The following IYD variants were observed in gnomAD, a reference collection of about 807,000 sequenced individuals.
IYD encodes the protein iodotyrosine deiodinase.
IYD carries 25 observed loss-of-function variants against 28.4 expected under a neutral mutation model. The observed-to-expected ratio is 0.88, with a 90% CI of 0.64 to 1.23. The LOEUF (loss-of-function observed/expected upper bound fraction) is 1.23. Among genes scored for constraint, IYD ranks in the 50% most tolerant of loss-of-function variants. The pLI is 0.00. For missense variants in IYD, 352 were observed against 357.9 expected, an observed-to-expected ratio of 0.98 and a Z score of 0.13; for synonymous variants, 140 against 130.8, an observed-to-expected ratio of 1.07 and a Z score of -0.48.
chr6:150,403,661 T>G lies in IYD; in HGVS notation c.*5424T>G, dbSNP rs1221258675. 2 of 152,226 alleles carry G rather than the reference T, an allele frequency of 1.3e-5. No homozygotes were observed. Among genetic ancestry groups the G allele is most frequent in the Non-Finnish European group, 2.9e-5 (2 of 68,052 alleles). The allele number at this position is 152,226 out of a possible 1,614,324, so 9.4% of individuals were successfully genotyped here. A position where few individuals can be genotyped will look rare whatever the true frequency, so the allele number is the denominator to read the frequency against. ...CCCCAAAGCTAAGATCCTGCCAAGC[T>G]AAATACAGTAGTTCTAATGAAATGT... On this transcript the variant is annotated 3_prime_UTR_variant, in exon 5 of 5. Coordinates refer to ENST00000344419, the MANE Select transcript of IYD (RefSeq NM_203395.3).
rs1465447479 is a variant in IYD, at chr6:150,388,626, TTTTG to T, written c.179-725_179-722del. On this transcript the variant is annotated intron_variant, in intron 1 of 4. Coordinates refer to ENST00000344419, the MANE Select transcript of IYD (RefSeq NM_203395.3). ...TTTTTCTAGATTTATAGTCTGGAGTTTTTGCTTTCTTTCTTTCTTTCTTTCTTTC... is the reference window on the plus strand; with the variant it reads ...TTTTTCTAGATTTATAGTCTGGAGTTCTTTCTTTCTTTCTTTCTTTCTTTC... Among the ~76,000 whole-genome samples, 169 of 136,730 alleles carry T rather than the reference TTTTG, an allele frequency of 1.2e-3. 1 individual carries two copies. The highest frequency in any genetic ancestry group is 0.01 in the East Asian group (45 of 4,462). 89.7% of individuals were successfully genotyped at this position (136,730 alleles called of 152,430 possible).
At chr6:150,380,056 C>A (rs1186786967) in intron 1 of IYD, among the ~76,000 whole-genome samples, 1 of 152,124 alleles carries the variant, frequency 6.6e-6, no homozygotes, top group Non-Finnish European at 1.5e-5. Context: ...TCCCCCTTCA[C>A]CCCTATAGTA....
chr6:150,394,281 G>A (rs745847349), intron 4 of IYD, 26 bp downstream of exon 4: 5 of 1,613,720 alleles, frequency 3.1e-6, no homozygotes, highest in Non-Finnish European at 4.2e-6. Flanking sequence ...AAGGGTTACA[G>A]GGTGGCCTTA....
chr6:150,390,865 G>C (rs564262019), intron 2 of IYD, among the ~76,000 whole-genome samples: 1 of 152,094 alleles, frequency 6.6e-6, no homozygotes. Context: ...AACTGATCAA[G>C]GTGTGGACTG....
chr6:150,380,749 G>T (rs1582779021), intron 1 of IYD, among the ~76,000 whole-genome samples: 1 of 151,988 alleles, frequency 6.6e-6, no homozygotes, highest in East Asian at 1.9e-4. Flanking sequence ...ATCAACCTTT[G>T]TTTCTGTTTG....
intron 1 of IYD, among the ~76,000 whole-genome samples, chr6:150,372,321 G>A: frequency 7.1e-6 from 1 of 141,828 alleles, no homozygotes; most frequent in South Asian, 2.3e-4. Context: ...GTGTGTGTGG[G>A]TGGGGTGGGG....
chr6:150,392,936 G>T lies in IYD; in HGVS notation c.530+432G>T, dbSNP rs575321951. Among the ~76,000 whole-genome samples the T allele has an allele frequency of 2.0e-5, 3 of 152,236 alleles. No individual in the cohort carries two copies. In the East Asian group the frequency reaches 5.8e-4, roughly 30 times the overall value. On this transcript the variant is annotated intron_variant, in intron 3 of 4. Coordinates refer to ENST00000344419, the MANE Select transcript of IYD (RefSeq NM_203395.3). ...TCCTCAACTCCAGGAAAGAAGTGGAGGGGAATTCAGTGTAAGTAGTTTCTC... is the reference window on the plus strand; with the variant it reads ...TCCTCAACTCCAGGAAAGAAGTGGATGGGAATTCAGTGTAAGTAGTTTCTC...
chr6:150,370,477 G>A (rs1032453254), intron 1 of IYD: 1 of 985,264 alleles, frequency 1.0e-6, no homozygotes, highest in Admixed American at 6.2e-5. Context: ...CTCAGGACCG[G>A]GGCGCAGGGT....
intron 1 of IYD, among the ~76,000 whole-genome samples, chr6:150,387,774 A>T (rs557979564): frequency 6.6e-6 from 1 of 151,658 alleles, no homozygotes; most frequent in African/African-American, 2.4e-5. Flanking sequence ...CAATTCCAGA[A>T]GTTCTCTATT....
intron 4 of IYD, chr6:150,395,555 A>G: frequency 6.5e-7 from 1 of 1,537,292 alleles, no homozygotes; most frequent in Non-Finnish European, 8.7e-7. Context: ...CTCAGCTCAC[A>G]AGGCTGCCCA....
intron 4 of IYD, chr6:150,395,706 T>C (rs1169107358): frequency 2.6e-6 from 2 of 758,170 alleles, no homozygotes; most frequent in East Asian, 5.3e-5. Flanking sequence ...ATCTCCAGTA[T>C]GGTGACTGGG....
chr6:150,370,254 T>G (rs59979917), intron 1 of IYD, among the ~76,000 whole-genome samples: 1 of 119,984 alleles, frequency 8.3e-6, no homozygotes. Context: ...AGTGGATGTG[T>G]GTGCGCGTGC....
At chr6:150,383,449 C>A (rs944717491) in intron 1 of IYD, among the ~76,000 whole-genome samples, 2 of 152,070 alleles carry the variant, frequency 1.3e-5, no homozygotes, top group African/African-American at 4.8e-5. Context: ...AGATTTTGAC[C>A]GTCATTTCCT....
Position 150,405,611 on chromosome 6 carries a change from C to G in IYD, c.*7374C>G, listed in dbSNP as rs1443291169. ...GTGACAGGAAGCAGAAGAATGACAACTGAGTGAATGGGGAAACCCCTTATA... is the reference window on the plus strand; with the variant it reads ...GTGACAGGAAGCAGAAGAATGACAAGTGAGTGAATGGGGAAACCCCTTATA... On this transcript the variant is annotated 3_prime_UTR_variant, in exon 5 of 5. Transcript: ENST00000344419. 6.6e-6 allele frequency: 1 copy of G among 152,244 alleles called. No homozygotes were observed. Among genetic ancestry groups the G allele is most frequent in the East Asian group, 1.9e-4 (1 of 5,172 alleles). The allele number at this position is 152,244 out of a possible 1,614,324, so 9.4% of individuals were successfully genotyped here.
chr6:150,375,718 G>C (rs1477979630), intron 1 of IYD, among the ~76,000 whole-genome samples: 2 of 152,248 alleles, frequency 1.3e-5, no homozygotes, highest in Non-Finnish European at 2.9e-5. Flanking sequence ...GGCCCAGGTA[G>C]GGAGCACAGC....
At position 150,399,924 on chromosome 6, in the gene IYD, T is replaced by C. The variant is rs1301706130; in HGVS notation, c.*1687T>C. The C allele has an allele frequency of 3.9e-5, 6 of 152,278 alleles. No individual in the cohort carries two copies. Among genetic ancestry groups the C allele is most frequent in the African/African-American group, 1.4e-4 (6 of 41,434 alleles). The allele number at this position is 152,278 out of a possible 1,614,324, so 9.4% of individuals were successfully genotyped here. A position where few individuals can be genotyped will look rare whatever the true frequency, so the allele number is the denominator to read the frequency against. Reference sequence around the variant, plus strand: ...CACATTGGGGGTTAGGGTTTCAACATATGAATTGCGGGGGACACAAACATT... The same window carrying C: ...CACATTGGGGGTTAGGGTTTCAACACATGAATTGCGGGGGACACAAACATT... On this transcript the variant is annotated 3_prime_UTR_variant, in exon 5 of 5. Transcript: ENST00000344419.
intron 3 of IYD, 92 bp downstream of exon 3, chr6:150,392,596 A>T: frequency 9.0e-6 from 12 of 1,329,950 alleles, no homozygotes; most frequent in Non-Finnish European, 1.2e-5. Context: ...TGTAAGCGTG[A>T]AAAAGCTTGA....
At chr6:150,382,673 G>A (rs1457096355) in intron 1 of IYD, among the ~76,000 whole-genome samples, 1 of 152,022 alleles carries the variant, frequency 6.6e-6, no homozygotes, top group Non-Finnish European at 1.5e-5. Flanking sequence ...GCTACATTTT[G>A]GATAGGTTAG....
At chr6:150,375,045 G>C (rs1035888805) in intron 1 of IYD, among the ~76,000 whole-genome samples, 17 of 152,250 alleles carry the variant, frequency 1.1e-4, no homozygotes, top group African/African-American at 4.1e-4. Flanking sequence ...GCACCCTTCA[G>C]CCTTCCCAAT....
Sources: allele counts gnomAD v4.1 joint callset (sites outside exome capture counted in the v4.1 genomes callset), GRCh38; gene constraint gnomAD v4.1.1; transcripts MANE v1.5; gene names NCBI Gene and HGNC (gene_info 2026-07-23, HGNC 2026-07-21).